The following ARHGEF7 variants were observed in gnomAD, a reference collection of about 807,000 sequenced individuals.
The protein encoded by ARHGEF7 is Rho guanine nucleotide exchange factor 7.
ARHGEF7 carries 33 observed loss-of-function variants against 109.8 expected under a neutral mutation model. That is an observed-to-expected ratio of 0.30 (90% CI 0.23 to 0.40). The LOEUF is 0.40. Ranked by LOEUF, ARHGEF7 falls within the 10% of genes least tolerant of loss-of-function variation. ARHGEF7 has a pLI of 1.00. For synonymous variants in ARHGEF7, 458 were observed against 424.6 expected (o/e 1.08, Z -0.97); for missense variants, 938 against 1,098.5 (o/e 0.85, Z 2.07).
intron 8 of ARHGEF7, among the ~76,000 whole-genome samples, chr13:111,253,824 G>C (rs533856379): frequency 1.3e-5 from 2 of 152,174 alleles, no homozygotes; most frequent in African/African-American, 4.8e-5. Flanking sequence ...CTGCTTTGGC[G>C]ATGTTCAGGG....
chr13:111,134,852 T>C (rs201988992), intron 1 of ARHGEF7, among the ~76,000 whole-genome samples: 1 of 152,010 alleles, frequency 6.6e-6, no homozygotes, highest in Admixed American at 6.6e-5. Context: ...GGTGTTTTAG[T>C]CATGAAGTCC....
chr13:111,219,948 G>C (rs746453585), intron 5 of ARHGEF7, among the ~76,000 whole-genome samples: 5 of 151,876 alleles, frequency 3.3e-5, no homozygotes, highest in Non-Finnish European at 5.9e-5. Flanking sequence ...CACTGAGAGC[G>C]CGGCACTGGC....
At chr13:111,154,386 C>T (rs1373175963) in intron 2 of ARHGEF7, among the ~76,000 whole-genome samples, 1 of 152,216 alleles carries the variant, frequency 6.6e-6, no homozygotes. Flanking sequence ...GGGCTGGCAT[C>T]TAGGTCTGGG....
intron 8 of ARHGEF7, chr13:111,265,584 T>G (rs754474972): frequency 3.3e-5 from 15 of 456,770 alleles, no homozygotes; most frequent in South Asian, 2.3e-4. Context: ...TCTGAGGTCC[T>G]GCCTGCAGGG....
intron 2 of ARHGEF7, among the ~76,000 whole-genome samples, chr13:111,184,137 T>G (rs2079022197): frequency 6.6e-6 from 1 of 152,176 alleles, no homozygotes; most frequent in East Asian, 1.9e-4. Context: ...TCTCACGAGA[T>G]CTGATGGTTT....
intron 4 of ARHGEF7, among the ~76,000 whole-genome samples, chr13:111,211,273 A>G (rs972402186): frequency 1.5e-4 from 23 of 152,184 alleles, no homozygotes; most frequent in Admixed American, 1.3e-3. Flanking sequence ...GACTAAACAA[A>G]CCACTTTAAA....
chr13:111,293,909 C>T, intron 19 of ARHGEF7: 1 of 985,350 alleles, frequency 1.0e-6, no homozygotes, highest in Admixed American at 6.1e-5. Context: ...CCAGGGAGCT[C>T]CTGGCAGTAG....
At chr13:111,288,532 C>A in intron 18 of ARHGEF7, 89 bp downstream of exon 18, 1 of 977,808 alleles carries the variant, frequency 1.0e-6, no homozygotes. Flanking sequence ...GTGGTAGGCC[C>A]CTTGCACAGC....
chr13:111,278,537 T>G (rs1567055032), intron 13 of ARHGEF7, among the ~76,000 whole-genome samples: 1 of 152,122 alleles, frequency 6.6e-6, no homozygotes, highest in African/African-American at 2.4e-5. Context: ...CAGAGAGGAC[T>G]TGTGGCCATA....
intron 1 of ARHGEF7, among the ~76,000 whole-genome samples, chr13:111,152,411 A>C (rs975053324): frequency 6.6e-6 from 1 of 152,270 alleles, no homozygotes; most frequent in Non-Finnish European, 1.5e-5. Flanking sequence ...TTAAAGAGCA[A>C]AACGGATTAG....
At chr13:111,220,005 G>A (rs1398634924) in intron 5 of ARHGEF7, among the ~76,000 whole-genome samples, 1 of 152,220 alleles carries the variant, frequency 6.6e-6, no homozygotes, top group Non-Finnish European at 1.5e-5. Context: ...ATCACTGTTA[G>A]GAGATGCAGT....
intron 1 of ARHGEF7, among the ~76,000 whole-genome samples, chr13:111,125,321 A>C (rs1248249915): frequency 6.6e-6 from 1 of 151,520 alleles, no homozygotes. Context: ...GGTTATTTGA[A>C]ATGTTCTTTT....
At chr13:111,157,207 TA>T (rs2076403323) in intron 2 of ARHGEF7, among the ~76,000 whole-genome samples, 1 of 152,140 alleles carries the variant, frequency 6.6e-6, no homozygotes, top group Non-Finnish European at 1.5e-5. Flanking sequence ...TTTGGAAAAT[TA>T]AAAAAATTTA....
intron 2 of ARHGEF7, among the ~76,000 whole-genome samples, chr13:111,172,922 C>T (rs913698175): frequency 6.6e-5 from 10 of 152,322 alleles, no homozygotes; most frequent in South Asian, 2.1e-4. Flanking sequence ...ACAGGTTGAG[C>T]ATCTCAAATA....
At chr13:111,195,405 A>G (rs938706013) in intron 2 of ARHGEF7, among the ~76,000 whole-genome samples, 5 of 152,340 alleles carry the variant, frequency 3.3e-5, no homozygotes, top group Non-Finnish European at 4.4e-5. Flanking sequence ...TCCAATTACA[A>G]CTGAGGAGGT....
At chr13:111,230,265 A>T (rs1481183969) in intron 5 of ARHGEF7, among the ~76,000 whole-genome samples, 6 of 152,100 alleles carry the variant, frequency 3.9e-5, no homozygotes, top group Non-Finnish European at 7.4e-5. Flanking sequence ...ATACCAGTGA[A>T]TTTTATTAAT....
intron 8 of ARHGEF7, among the ~76,000 whole-genome samples, chr13:111,244,982 GTAGT>G (rs1235579461): frequency 3.3e-5 from 5 of 152,306 alleles, no homozygotes; most frequent in East Asian, 1.9e-4. Context: ...TGAAGAAATG[GTAGT>G]TGGTTGGTGA....
At chr13:111,285,547 G>A (rs2092983262) in intron 16 of ARHGEF7, among the ~76,000 whole-genome samples, 2 of 152,148 alleles carry the variant, frequency 1.3e-5, no homozygotes, top group Non-Finnish European at 2.9e-5. Flanking sequence ...GGGCCATTCC[G>A]TTGTGAACAC....
At chr13:111,165,487 T>C (rs1025343947) in intron 2 of ARHGEF7, among the ~76,000 whole-genome samples, 2 of 152,154 alleles carry the variant, frequency 1.3e-5, no homozygotes, top group African/African-American at 4.8e-5. Flanking sequence ...ACCGTGACAA[T>C]GCAGTTGAGT....
Sources: gnomAD v4.1 joint callset for allele counts (sites outside exome capture counted in the v4.1 genomes callset) on GRCh38, gnomAD v4.1.1 for gene constraint, MANE v1.5 for transcripts, NCBI Gene and HGNC (gene_info 2026-07-23, HGNC 2026-07-21) for gene names.